Variants in SH3PXD2B observed in about 807,000 individuals in gnomAD.
The protein encoded by SH3PXD2B is SH3 and PX domain-containing protein 2B.
SH3PXD2B carries 37 observed loss-of-function variants against 73.1 expected under a neutral mutation model. The observed-to-expected ratio is 0.51, with a 90% CI of 0.39 to 0.67. The LOEUF (loss-of-function observed/expected upper bound fraction) is 0.67, where lower values mean the gene tolerates loss of function less well. SH3PXD2B is among the 30% of genes least tolerant of loss of function. The pLI is 0.00. For synonymous variants in SH3PXD2B, 457 were observed against 480.5 expected, an observed-to-expected ratio of 0.95 and a Z score of 0.64; for missense variants, 1,053 against 1,197.8, an observed-to-expected ratio of 0.88 and a Z score of 1.78.
In SH3PXD2B at chr5:172,335,806, T is replaced by C. The variant is rs979423272; in HGVS notation, c.*2563A>G. On this transcript the variant is annotated 3_prime_UTR_variant, in exon 13 of 13. Transcript: ENST00000311601. The stretch of plus-strand genomic sequence containing the variant: ...CCACTGCCTGGGGAAGTGTCTACCA[T>C]TGTAGGAAAAGGAGCTGGATACAGA... 7 of 1,229,736 alleles carry C rather than the reference T, an allele frequency of 5.7e-6. No homozygotes were observed. Among genetic ancestry groups the C allele is most frequent in the South Asian group, 8.5e-5 (2 of 23,482 alleles). The allele number at this position is 1,229,736 out of a possible 1,614,324, so 76.2% of individuals were successfully genotyped here. A position where few individuals can be genotyped will look rare whatever the true frequency, so the allele number is the denominator to read the frequency against.
intron 4 of SH3PXD2B, 63 bp from the exon 5 acceptor site, chr5:172,382,190 C>T (rs1206859680): frequency 1.0e-5 from 14 of 1,334,376 alleles, no homozygotes; most frequent in Non-Finnish European, 1.4e-5. Context: ...GTGGCACGCG[C>T]CTATAATCCC....
intron 1 of SH3PXD2B, 127 bp downstream of exon 1, chr5:172,454,151 G>A: frequency 1.6e-6 from 1 of 637,024 alleles, no homozygotes; most frequent in East Asian, 3.7e-5. Flanking sequence ...CCGCCGCAGA[G>A]CCGAGGGGAG....
intron 11 of SH3PXD2B, 140 bp from the exon 12 acceptor site, chr5:172,346,401 C>T (rs545566586): frequency 2.3e-6 from 3 of 1,285,572 alleles, no homozygotes; most frequent in East Asian, 2.4e-5. Context: ...AGGGACAACA[C>T]AAATAGGACC....
chr5:172,336,206 T>A lies in SH3PXD2B; in HGVS notation c.*2163A>T, dbSNP rs1031161269. On this transcript the variant is annotated 3_prime_UTR_variant, in exon 13 of 13. Transcript: ENST00000311601. ...GCAAAGAGCAAATCAGAAAAAAACA[T>A]GTGTTTTGTCTTTTGAAATGCAGTC... The A allele has an allele frequency of 2.0e-6, 2 of 985,456 alleles. No individual in the cohort carries two copies. Among genetic ancestry groups the A allele is most frequent in the South Asian group, 4.7e-5 (1 of 21,290 alleles). The allele number at this position is 985,456 out of a possible 1,614,324, so 61.0% of individuals were successfully genotyped here.
chr5:172,443,221 C>T (rs1046513976), intron 1 of SH3PXD2B, among the ~76,000 whole-genome samples: 3 of 152,180 alleles, frequency 2.0e-5, no homozygotes, highest in East Asian at 1.9e-4. Context: ...ATCCACGCAA[C>T]GACTGTCAAG....
chr5:172,398,820 C>A (rs1050366747), intron 3 of SH3PXD2B, among the ~76,000 whole-genome samples: 1 of 152,136 alleles, frequency 6.6e-6, no homozygotes, highest in Non-Finnish European at 1.5e-5. Flanking sequence ...CCAGGACTGA[C>A]CCCTGAGGCT....
chr5:172,411,753 G>A (rs1022030163), intron 2 of SH3PXD2B, among the ~76,000 whole-genome samples: 27 of 151,892 alleles, frequency 1.8e-4, no homozygotes, highest in South Asian at 6.2e-4. Flanking sequence ...ATGTTATTTT[G>A]AAAGTTATTT....
intron 1 of SH3PXD2B, among the ~76,000 whole-genome samples, chr5:172,440,446 G>T (rs1247855556): frequency 6.6e-6 from 1 of 152,150 alleles, no homozygotes. Flanking sequence ...TCTAGGTGTC[G>T]GGACTTGCAT....
In SH3PXD2B at chr5:172,339,959, G is replaced by A. The variant is rs79042273; in HGVS notation, c.1189-43C>T. On this transcript the variant is annotated intron_variant, in intron 12 of 12. Coordinates refer to ENST00000311601, the MANE Select transcript of SH3PXD2B (RefSeq NM_001017995.3). The surrounding 1 kb of genome is among the most constrained non-coding windows in gnomAD (Gnocchi z 6.1). The stretch of plus-strand genomic sequence containing the variant: ...GAAAGGCACTTGGCTACGATGCCAG[G>A]GCCAGCAGATGGAATGGTTTGGCAG... 12,760 of 1,611,932 alleles carry A rather than the reference G, an allele frequency of 7.9e-3. 62 individuals carry two copies. Among genetic ancestry groups the A allele is most frequent in the Non-Finnish European group, 9.9e-3 (11,660 of 1,179,064 alleles).
Position 172,350,528 on chromosome 5 carries a change from A to G in SH3PXD2B, c.847T>C (p.Leu283=), listed in dbSNP as rs1425040386. Residue 283 remains leucine (L), a synonymous_variant, in exon 10 of 13, where the codon TTG becomes CTG. Coordinates refer to ENST00000311601, the MANE Select transcript of SH3PXD2B (RefSeq NM_001017995.3). Reference sequence around the variant, plus strand: ...GAGCCAGGGCCTGGCTTCGGGGGCAAGGGCTCCCCACTGTTCTTCTTTAGG... The same window carrying G: ...GAGCCAGGGCCTGGCTTCGGGGGCAGGGGCTCCCCACTGTTCTTCTTTAGG... ...SYLKKNSGEP[L]PPKPGPGSPS... 6.2e-7 allele frequency: 1 copy of G among 1,613,974 alleles called. No individual in the cohort carries two copies. Among genetic ancestry groups the G allele is most frequent in the Admixed American group, 1.7e-5 (1 of 60,004 alleles).
intron 4 of SH3PXD2B, among the ~76,000 whole-genome samples, chr5:172,393,097 A>C (rs1179072285): frequency 3.3e-5 from 5 of 152,232 alleles, no homozygotes; most frequent in African/African-American, 9.6e-5. Context: ...ATTTCTATAA[A>C]AAAGCCTATA....
chr5:172,373,530 C>T (rs1757753129), intron 6 of SH3PXD2B, among the ~76,000 whole-genome samples: 1 of 152,130 alleles, frequency 6.6e-6, no homozygotes. Context: ...ATGAAACAAC[C>T]TCAAATACTA....
chr5:172,387,016 A>T (rs114527716), intron 4 of SH3PXD2B, among the ~76,000 whole-genome samples: 1,677 of 152,338 alleles, frequency 0.011, 24 homozygotes, highest in African/African-American at 0.038. Context: ...GTAGGCAGCA[A>T]GCCAGTCTCA....
intron 4 of SH3PXD2B, among the ~76,000 whole-genome samples, chr5:172,387,000 A>G (rs1758074024): frequency 6.6e-6 from 1 of 152,240 alleles, no homozygotes; most frequent in African/African-American, 2.4e-5. Context: ...GGAAGCCCTC[A>G]GCACAGTAGG....
At position 172,397,616 on chromosome 5, in the gene SH3PXD2B, C is replaced by T. The variant is rs185421568; in HGVS notation, c.233-2977G>A. Among the ~76,000 whole-genome samples, 1,447 of 152,320 alleles carry T rather than the reference C, an allele frequency of 9.5e-3. 6 individuals carry two copies. The highest frequency in any genetic ancestry group is 0.037 in the Middle Eastern group (11 of 294). On this transcript the variant is annotated intron_variant, in intron 3 of 12. Coordinates refer to ENST00000311601, the MANE Select transcript of SH3PXD2B (RefSeq NM_001017995.3). The stretch of plus-strand genomic sequence containing the variant: ...CCTTTATTTCTCAGACTGGCCGACA[C>T]TTAGGGAAATAGAAAAGAACCTACG...
intron 1 of SH3PXD2B, among the ~76,000 whole-genome samples, chr5:172,438,854 T>G (rs17074815): frequency 0.013 from 1,998 of 151,880 alleles, 44 homozygotes; most frequent in African/African-American, 0.046. Flanking sequence ...AAAACAAAAT[T>G]TTACTGCGTT....
chr5:172,360,728 A>G (rs1268365557), intron 7 of SH3PXD2B, among the ~76,000 whole-genome samples: 4 of 152,214 alleles, frequency 2.6e-5, no homozygotes, highest in Non-Finnish European at 4.4e-5. Context: ...GCTGCTTGGG[A>G]GGCTGAGACA....
Position 172,334,124 on chromosome 5 carries a change from T to G in SH3PXD2B, c.*4245A>C. On this transcript the variant is annotated 3_prime_UTR_variant, in exon 13 of 13. Coordinates refer to ENST00000311601, the MANE Select transcript of SH3PXD2B (RefSeq NM_001017995.3). ...GGAGCTAAGAAGGCTTACTTTGGAG[T>G]CGAGGATAGAAACGGGAAGATGGAA... 9.0e-7 allele frequency: 1 copy of G among 1,111,994 alleles called. No individual in the cohort carries two copies. The highest frequency in any genetic ancestry group is 1.1e-6 in the Non-Finnish European group (1 of 907,778). The allele number at this position is 1,111,994 out of a possible 1,614,324, so 68.9% of individuals were successfully genotyped here.
chr5:172,420,615 C>T (rs1326155054), intron 2 of SH3PXD2B, among the ~76,000 whole-genome samples: 3 of 152,154 alleles, frequency 2.0e-5, no homozygotes, highest in Admixed American at 6.5e-5. Context: ...CCTCTGTTCG[C>T]GGCAGTTTGT....
Sources: gnomAD v4.1 joint callset for allele counts (sites outside exome capture counted in the v4.1 genomes callset) on GRCh38, gnomAD v4.1.1 for gene constraint, Gnocchi (gnomAD v3.1) non-coding constraint, MANE v1.5 for transcripts, NCBI Gene and HGNC (gene_info 2026-07-23, HGNC 2026-07-21) for gene names.